Variants in CARNS1 observed in about 807,000 individuals in gnomAD.
The protein encoded by CARNS1 is carnosine synthase 1.
In CARNS1, 61 loss-of-function variants were observed where a neutral mutation model predicts 74.0. The ratio of observed to expected loss-of-function variants is 0.82; its 90% confidence interval spans 0.67 to 1.02. The LOEUF is 1.02. CARNS1 is among the 50% of genes least tolerant of loss of function. The pLI is 0.00. For missense variants in CARNS1, 1,278 were observed against 1,308.4 expected (o/e 0.98, Z 0.36); for synonymous variants, 568 against 605.5 (o/e 0.94, Z 0.91).
rs1004779634 is a variant in CARNS1, at chr11:67,419,105, G to A, written c.714G>A (p.Pro238=). 8 of 1,570,452 alleles carry A rather than the reference G, an allele frequency of 5.1e-6. No homozygotes were observed. Among genetic ancestry groups the A allele is most frequent in the Middle Eastern group, 1.7e-4 (1 of 5,936 alleles). ...CAACCCTGGCTTTCACCTACAAGCC[G>A]CCGGGGCTGCTGCGGGGAGGGGATG... ...VPATLAFTYK[P]PGLLRGGDAS... is the part of the protein sequence containing the mutation. The change falls in exon 5 of 10, where the codon CCG becomes CCA. Residue 238 remains proline, a synonymous_variant. Transcript: ENST00000687366.
Position 67,418,781 on chromosome 11 carries a change from T to G in CARNS1, c.390T>G (p.Pro130=). ...GAAACATGCTCCTTTGCCTGTCCCC[T>G]GCTTGGCTGATGAAGGTGCCAGCAC... The part of the protein sequence containing the change: ...SPGNMLLCLS[P]AWLMKVPAPG... The change falls in exon 5 of 10, where the codon CCT becomes CCG. Residue 130 remains proline (P), a synonymous_variant. Transcript: ENST00000687366. The G allele has an allele frequency of 6.2e-7, 1 of 1,600,010 alleles. No homozygotes were observed. Among genetic ancestry groups the G allele is most frequent in the East Asian group, 2.3e-5 (1 of 44,226 alleles).
chr11:67,420,570 G>A, intron 7 of CARNS1, 39 bp from the exon 8 acceptor site: 2 of 1,189,494 alleles, frequency 1.7e-6, no homozygotes, highest in Non-Finnish European at 2.1e-6. Context: ...TGGGGGGCAG[G>A]GAGTGTGTGG....
Position 67,417,644 on chromosome 11 carries a change from G to C in CARNS1, c.241G>C (p.Glu81Gln), listed in dbSNP as rs973461598. The change falls in exon 3 of 10, where the codon GAG becomes CAG. Residue 81 changes from glutamate to glutamine, a missense_variant. This residue lies in a region of CARNS1 where 104 missense variants were observed against 127.3 expected (regional missense o/e 0.82). Transcript: ENST00000687366. ...CTGTCTGCAGCAAGCTGGCCTTCCG[G>C]AGACTCAGGACCGCGGCCAGGTGCC... is the stretch of plus-strand genomic sequence containing the variant. ...QSCLQQAGLPETQDRGQVPRT... is the reference protein window; with the variant it reads ...QSCLQQAGLPQTQDRGQVPRT... 1.0e-5 allele frequency: 13 copies of C among 1,271,108 alleles called. No homozygotes were observed. The highest frequency in any genetic ancestry group is 6.2e-5 in the African/African-American group (4 of 64,716). 78.7% of individuals were successfully genotyped at this position (1,271,108 alleles called of 1,614,324 possible).
chr11:67,422,747 C>T (rs1240560699), intron 9 of CARNS1, among the ~76,000 whole-genome samples: 1 of 152,220 alleles, frequency 6.6e-6, no homozygotes, highest in African/African-American at 2.4e-5. Context: ...CTGTGGACAC[C>T]ACCTCTGTGT....
intron 1 of CARNS1, 78 bp from the exon 2 acceptor site, chr11:67,416,098 T>TC (rs1863539248): frequency 2.3e-6 from 2 of 888,024 alleles, no homozygotes; most frequent in Non-Finnish European, 3.6e-6. Flanking sequence ...ACTCCCAAAG[T>TC]CTAGGGGCTG....
chr11:67,424,475 C>T lies in CARNS1; in HGVS notation c.2727C>T (p.Tyr909=), dbSNP rs1197054533. Residue 909 remains tyrosine, a synonymous_variant, in exon 10 of 10, where the codon TAC becomes TAT. Coordinates refer to ENST00000687366, the MANE Select transcript of CARNS1 (RefSeq NM_001166222.2). ...TGCCTGGCGAGTATGAGGAGCCCTA[C>T]TGCAGTGTGGCCTGTGCCGGACCCA... The part of the protein sequence containing the change: ...ALVPGEYEEP[Y]CSVACAGPSP... 2 of 1,588,330 alleles carry T rather than the reference C, an allele frequency of 1.3e-6. No individual in the cohort carries two copies. Among genetic ancestry groups the T allele is most frequent in the Non-Finnish European group, 8.6e-7 (1 of 1,168,832 alleles).
chr11:67,420,543 G>A (rs1480589133), intron 7 of CARNS1, 66 bp from the exon 8 acceptor site: 1 of 1,054,350 alleles, frequency 9.5e-7, no homozygotes. Flanking sequence ...TTTGGCACAA[G>A]GCGGTGGGGG....
In CARNS1 at chr11:67,421,172, G is replaced by C. The variant is rs1022542029; in HGVS notation, c.1579G>C (p.Val527Leu). The change falls in exon 9 of 10, where the codon GTC (valine) becomes CTC (leucine). Residue 527 changes from valine (V) to leucine (L), a missense_variant. By Grantham distance (32) the Val-to-Leu change is conservative. Around this residue, in one of 3 missense-constraint regions of CARNS1, gnomAD observed 1,164 missense variants for 1,156.5 expected, o/e 1.01. Coordinates refer to ENST00000687366, the MANE Select transcript of CARNS1 (RefSeq NM_001166222.2). ...GCTGCTGGTGGTCGGCGCTGGCGGC[G>C]TCAGCAAGAAGTTCGTGTGGGAGGC... Reference protein sequence around the residue: ...KQLLVVGAGGVSKKFVWEAAR... With the variant: ...KQLLVVGAGGLSKKFVWEAAR... 1 of 1,496,374 alleles carries C rather than the reference G, an allele frequency of 6.7e-7. No individual in the cohort carries two copies. Among genetic ancestry groups the C allele is most frequent in the African/African-American group, 1.5e-5 (1 of 68,518 alleles). The allele number at this position is 1,496,374 out of a possible 1,614,324, so 92.7% of individuals were successfully genotyped here.
intron 4 of CARNS1, 58 bp from the exon 5 acceptor site, chr11:67,418,698 G>T: frequency 4.0e-6 from 6 of 1,489,452 alleles, no homozygotes; most frequent in Non-Finnish European, 5.4e-6. Flanking sequence ...CTACCCGGGG[G>T]CCCGGGCATA....
chr11:67,424,088 T>C lies in CARNS1; in HGVS notation c.2340T>C (p.Val780=). Residue 780 remains valine, a synonymous_variant, in exon 10 of 10, where the codon GTT becomes GTC. Transcript: ENST00000687366. The stretch of plus-strand genomic sequence containing the variant: ...CACCAGAGCAGGAGGCACAGATGGT[T>C]CAGGCAGCCTTCCGCTGTTGCCTGG... ...GLAPEQEAQM[V]QAAFRCCLGC... is the part of the protein sequence containing the mutation. 1 of 1,613,658 alleles carries C rather than the reference T, an allele frequency of 6.2e-7. No individual in the cohort carries two copies. The highest frequency in any genetic ancestry group is 8.5e-7 in the Non-Finnish European group (1 of 1,179,796).
Position 67,418,480 on chromosome 11 carries a change from C to T in CARNS1, c.324C>T (p.Thr108=). The stretch of plus-strand genomic sequence containing the variant: ...TGTGCGTTCTGGGCTCCCCCAGCAC[C>T]TTTCTGCCTGTGCTGCTGGAGGGTG... ...VTLCVLGSPS[T]FLPVLLEGGV... is the part of the protein sequence containing the mutation. The change falls in exon 4 of 10, where the codon ACC becomes ACT. Residue 108 remains threonine (T), a synonymous_variant. Coordinates refer to ENST00000687366, the MANE Select transcript of CARNS1 (RefSeq NM_001166222.2). 1.3e-6 allele frequency: 2 copies of T among 1,503,322 alleles called. No homozygotes were observed. Among genetic ancestry groups the T allele is most frequent in the Non-Finnish European group, 1.8e-6 (2 of 1,130,912 alleles). 93.1% of individuals were successfully genotyped at this position (1,503,322 alleles called of 1,614,324 possible). A position where few individuals can be genotyped will look rare whatever the true frequency, so the allele number is the denominator to read the frequency against.
Position 67,423,299 on chromosome 11 carries a change from A to G in CARNS1, c.1627-76A>G. 6.9e-7 allele frequency: 1 copy of G among 1,455,376 alleles called. No individual in the cohort carries two copies. The highest frequency in any genetic ancestry group is 2.3e-5 in the East Asian group (1 of 43,656). 90.2% of individuals were successfully genotyped at this position (1,455,376 alleles called of 1,614,324 possible). On this transcript the variant is annotated intron_variant, in intron 9 of 9. Coordinates refer to ENST00000687366, the MANE Select transcript of CARNS1 (RefSeq NM_001166222.2). The surrounding 1 kb of genome is among the most constrained non-coding windows in gnomAD (Gnocchi z 5.1). ...TGTACTCGTATCCCCTGAAGGGGCCATCCTAGGCCCCATCCTATCCCCCTA... is the reference window on the plus strand; with the variant it reads ...TGTACTCGTATCCCCTGAAGGGGCCGTCCTAGGCCCCATCCTATCCCCCTA...
At position 67,424,892 on chromosome 11, in the gene CARNS1, C is replaced by CACACA; in HGVS notation, c.*291_*292insACACA. ...ACACACACACACACACACACACACA[C>CACACA]CTCTGACGCCAGCTCCCCAGGTGGG... On this transcript the variant is annotated 3_prime_UTR_variant, in exon 10 of 10. Transcript: ENST00000687366. The CACACA allele has an allele frequency of 1.8e-5, 11 of 610,502 alleles. No individual in the cohort carries two copies. The highest frequency in any genetic ancestry group is 1.1e-4 in the Admixed American group (5 of 46,416). The allele number at this position is 610,502 out of a possible 1,614,324, so 37.8% of individuals were successfully genotyped here.
In CARNS1 at chr11:67,424,610, T is replaced by G. The variant is rs1460027775; in HGVS notation, c.*9T>G. The G allele has an allele frequency of 1.9e-6, 3 of 1,596,862 alleles. No individual in the cohort carries two copies. The highest frequency in any genetic ancestry group is 3.4e-5 in the Admixed American group (2 of 59,054). Reference sequence around the variant, plus strand: ...TGTCTCACTTCAAATAGCACTGGGGTCAGGGGGCAGGGAAGCAGTGCTGGG... The same window carrying G: ...TGTCTCACTTCAAATAGCACTGGGGGCAGGGGGCAGGGAAGCAGTGCTGGG... On this transcript the variant is annotated 3_prime_UTR_variant, in exon 10 of 10. Transcript: ENST00000687366.
Position 67,417,610 on chromosome 11 carries a change from C to T in CARNS1, c.207C>T (p.Leu69=). 1 of 1,287,922 alleles carries T rather than the reference C, an allele frequency of 7.8e-7. No homozygotes were observed. The highest frequency in any genetic ancestry group is 2.4e-5 in the South Asian group (1 of 42,052). The allele number at this position is 1,287,922 out of a possible 1,614,324, so 79.8% of individuals were successfully genotyped here. A position where few individuals can be genotyped will look rare whatever the true frequency, so the allele number is the denominator to read the frequency against. ...CTTGGACTGTCTACTACTACAGCCT[C>T]CTGCAGAGCTGTCTGCAGCAAGCTG... The part of the protein sequence containing the change: ...ARAWTVYYYS[L]LQSCLQQAGL... Residue 69 remains leucine, a synonymous_variant, in exon 3 of 10, where the codon CTC becomes CTT. Coordinates refer to ENST00000687366, the MANE Select transcript of CARNS1 (RefSeq NM_001166222.2).
chr11:67,415,918 C>G (rs1035620760), intron 1 of CARNS1, among the ~76,000 whole-genome samples, 155 bp downstream of exon 1: 2 of 151,988 alleles, frequency 1.3e-5, no homozygotes, highest in African/African-American at 2.4e-5. Flanking sequence ...CAACTCCCCC[C>G]CGCGCTGGAG....
chr11:67,419,829 G>A lies in CARNS1; in HGVS notation c.1104G>A (p.Leu368=). The A allele has an allele frequency of 1.9e-6, 3 of 1,585,462 alleles. No homozygotes were observed. Among genetic ancestry groups the A allele is most frequent in the Non-Finnish European group, 8.6e-7 (1 of 1,166,608 alleles). The change falls in exon 7 of 10, where the codon CTG becomes CTA. Residue 368 remains leucine (L), a synonymous_variant. Coordinates refer to ENST00000687366, the MANE Select transcript of CARNS1 (RefSeq NM_001166222.2). ...VVCRTQGDRP[L]LSKVVCGVGR... is the part of the protein sequence containing the mutation. ...GTCGGACACAGGGTGATAGGCCACT[G>A]CTGAGCAAGGTGAGCGTGGCCCAGG... is the stretch of plus-strand genomic sequence containing the variant.
intron 9 of CARNS1, among the ~76,000 whole-genome samples, chr11:67,422,702 G>A (rs1392159124): frequency 6.6e-6 from 1 of 152,140 alleles, no homozygotes; most frequent in African/African-American, 2.4e-5. Flanking sequence ...CTAGCACACT[G>A]GCCTCCTCTC....
At chr11:67,417,981 G>A (rs1863590347) in intron 3 of CARNS1, among the ~76,000 whole-genome samples, 1 of 152,194 alleles carries the variant, frequency 6.6e-6, no homozygotes, top group African/African-American at 2.4e-5. Flanking sequence ...GGGAGCTGTG[G>A]TGGAGGCAGC....
Sources: gnomAD v4.1 joint callset for allele counts (sites outside exome capture counted in the v4.1 genomes callset) on GRCh38, gnomAD v4.1.1 for gene constraint, gnomAD v4.1.1 regional missense constraint, Gnocchi (gnomAD v3.1) non-coding constraint, MANE v1.5 for transcripts, NCBI Gene and HGNC (gene_info 2026-07-23, HGNC 2026-07-21) for gene names.